The following SORCS2 variants were observed in gnomAD, a reference collection of about 807,000 sequenced individuals.
SORCS2 encodes the protein sortilin related VPS10 domain containing receptor 2.
In SORCS2, 100 loss-of-function variants were observed where a neutral mutation model predicts 141.6. The ratio of observed to expected loss-of-function variants is 0.71; its 90% CI spans 0.60 to 0.83. The LOEUF is 0.83. Ranked by LOEUF, SORCS2 falls within the 40% of genes least tolerant of loss-of-function variation. SORCS2 has a pLI of 0.00. For missense variants in SORCS2, 1,646 were observed against 1,560.2 expected, an observed-to-expected ratio of 1.05 and a Z score of -0.93; for synonymous variants, 789 against 676.9, an observed-to-expected ratio of 1.17 and a Z score of -2.57.
chr4:7,616,000 A>C (rs1163275500), intron 3 of SORCS2, among the ~76,000 whole-genome samples: 1 of 152,238 alleles, frequency 6.6e-6, no homozygotes, highest in Non-Finnish European at 1.5e-5. Context: ...GGGCATACTT[A>C]TTACTAAAAA....
At chr4:7,571,317 C>T (rs185812079) in intron 3 of SORCS2, among the ~76,000 whole-genome samples, 40 of 152,280 alleles carry the variant, frequency 2.6e-4, no homozygotes, top group African/African-American at 7.7e-4. Context: ...CCCCTGTGCC[C>T]GGTGGAGAAG....
Position 7,286,845 on chromosome 4 carries a change from G to A in SORCS2, c.480+93719G>A, listed in dbSNP as rs1716259515. 6.6e-6 allele frequency among the ~76,000 whole-genome samples: 1 copy of A among 152,224 alleles called. No homozygotes were observed. Among genetic ancestry groups the A allele is most frequent in the South Asian group, 2.1e-4 (1 of 4,830 alleles). On this transcript the variant is annotated intron_variant, in intron 1 of 26. Transcript: ENST00000507866. This position sits in a 1 kb window ranked among gnomAD's most constrained non-coding sequence, Gnocchi z 4.1. ...GGGTGCTGCTTTTCAGGGTACAGGA[G>A]CTATGGAAGGTCCCAAGAGGAAAGT...
intron 1 of SORCS2, among the ~76,000 whole-genome samples, chr4:7,224,254 A>G (rs933807097): frequency 2.0e-5 from 3 of 152,226 alleles, no homozygotes; most frequent in Admixed American, 1.3e-4. Flanking sequence ...GTCTGACAAC[A>G]TTTAATTTTC....
rs1719988275 is a variant in SORCS2 at position 7,336,342 on chromosome 4, T to A, written c.481-59946T>A. ...GGCGGTGTCTCCCAGTGGAGAGCTC[T>A]GAGACTGCGACTGCTGTCCTCCTTC... On this transcript the variant is annotated intron_variant, in intron 1 of 26. Coordinates refer to ENST00000507866, the MANE Select transcript of SORCS2 (RefSeq NM_020777.3). Among the ~76,000 whole-genome samples, 2 of 152,178 alleles carry A rather than the reference T, an allele frequency of 1.3e-5. 1 individual carries two copies. Among genetic ancestry groups the A allele is most frequent in the Non-Finnish European group, 2.9e-5 (2 of 68,034 alleles).
At chr4:7,577,174 G>A (rs1049840694) in intron 3 of SORCS2, among the ~76,000 whole-genome samples, 3 of 152,194 alleles carry the variant, frequency 2.0e-5, no homozygotes, top group Admixed American at 6.5e-5. Context: ...ACATAAGGGA[G>A]TGTGAGGTTT....
At chr4:7,488,085 T>G (rs1034678601) in intron 2 of SORCS2, among the ~76,000 whole-genome samples, 13 of 152,302 alleles carry the variant, frequency 8.5e-5, no homozygotes, top group Admixed American at 7.2e-4. Flanking sequence ...ACCTGAGCCC[T>G]GTGCTAGGAG....
At chr4:7,290,827 G>A (rs1318851381) in intron 1 of SORCS2, among the ~76,000 whole-genome samples, 1 of 122,742 alleles carries the variant, frequency 8.1e-6, no homozygotes, top group Non-Finnish European at 1.9e-5. Context: ...TTCAGTGAAT[G>A]TAGGTTAAGG....
chr4:7,396,765 T>C (rs1335294983), intron 2 of SORCS2, among the ~76,000 whole-genome samples: 1 of 152,212 alleles, frequency 6.6e-6, no homozygotes, highest in Non-Finnish European at 1.5e-5. Flanking sequence ...TGGGCGTTTT[T>C]CTTTCTTCCA....
intron 4 of SORCS2, among the ~76,000 whole-genome samples, chr4:7,643,744 T>A (rs1720881912): frequency 6.6e-6 from 1 of 152,154 alleles, no homozygotes; most frequent in Non-Finnish European, 1.5e-5. Context: ...AAAGAAATAG[T>A]AGAAATTGCT....
intron 3 of SORCS2, among the ~76,000 whole-genome samples, chr4:7,561,235 A>G (rs549243078): frequency 1.7e-4 from 26 of 152,244 alleles, no homozygotes; most frequent in African/African-American, 5.5e-4. Flanking sequence ...GGCTACTGAG[A>G]CATGGGAACA....
chr4:7,381,359 AG>A (rs889634151), intron 1 of SORCS2, among the ~76,000 whole-genome samples: 1 of 152,188 alleles, frequency 6.6e-6, no homozygotes, highest in African/African-American at 2.4e-5. Context: ...ACAGAGCTGG[AG>A]GGTGCTTCCC....
chr4:7,519,189 C>T (rs545083297), intron 2 of SORCS2, among the ~76,000 whole-genome samples: 8 of 152,302 alleles, frequency 5.3e-5, no homozygotes, highest in East Asian at 1.9e-4. Flanking sequence ...CTGCCTGTGC[C>T]GGGAGCATGA....
intron 2 of SORCS2, among the ~76,000 whole-genome samples, chr4:7,517,025 A>G (rs1733029159): frequency 6.6e-6 from 1 of 152,206 alleles, no homozygotes; most frequent in Admixed American, 6.5e-5. Flanking sequence ...TCAACGAGCT[A>G]ACGCGTCCAG....
At chr4:7,578,906 C>G (rs1715951012) in intron 3 of SORCS2, among the ~76,000 whole-genome samples, 2 of 152,244 alleles carry the variant, frequency 1.3e-5, no homozygotes, top group Non-Finnish European at 2.9e-5. Flanking sequence ...CCTAAGTTTA[C>G]TACTTCTCAC....
rs1560447285 is a variant in SORCS2, at chr4:7,193,283, C to T, written c.480+157C>T. Reference sequence around the variant, plus strand: ...TTGGGTCACCTCGGCCGCGCCCCTACTGGCCTCTGGTCACTGGTTACTTGG... The same window carrying T: ...TTGGGTCACCTCGGCCGCGCCCCTATTGGCCTCTGGTCACTGGTTACTTGG... On this transcript the variant is annotated intron_variant, in intron 1 of 26. Coordinates refer to ENST00000507866, the MANE Select transcript of SORCS2 (RefSeq NM_020777.3). The surrounding 1 kb of genome is among the most constrained non-coding windows in gnomAD (Gnocchi z 4.8). 2.6e-5 allele frequency among the ~76,000 whole-genome samples: 4 copies of T among 152,220 alleles called. No individual in the cohort carries two copies.
chr4:7,506,283 A>G lies in SORCS2; in HGVS notation c.549-25247A>G, dbSNP rs112383452. ...GGCTTAATGAGGCCTAAATCTGTCA[A>G]CAGTGGAGGCTGCTGCTTGTGGTAA... is the stretch of plus-strand genomic sequence containing the variant. On this transcript the variant is annotated intron_variant, in intron 2 of 26. Coordinates refer to ENST00000507866, the MANE Select transcript of SORCS2 (RefSeq NM_020777.3). Among the ~76,000 whole-genome samples, 386 of 152,276 alleles carry G rather than the reference A, an allele frequency of 2.5e-3. 7 individuals carry two copies. Among genetic ancestry groups the G allele is most frequent in the Middle Eastern group, 0.014 (4 of 294 alleles).
At chr4:7,398,294 G>T (rs10008226) in intron 2 of SORCS2, among the ~76,000 whole-genome samples, 2,765 of 152,296 alleles carry the variant, frequency 0.018, 85 homozygotes, top group African/African-American at 0.064. Flanking sequence ...CTGCTCCAAG[G>T]GTGGGGTGGT....
intron 1 of SORCS2, among the ~76,000 whole-genome samples, chr4:7,292,495 T>A (rs921909464): frequency 6.6e-6 from 1 of 152,314 alleles, no homozygotes; most frequent in East Asian, 1.9e-4. Context: ...TCTGGGGACC[T>A]GGGCTTGGCC....
chr4:7,275,457 T>C (rs1433575619), intron 1 of SORCS2, among the ~76,000 whole-genome samples: 1 of 152,186 alleles, frequency 6.6e-6, no homozygotes, highest in Admixed American at 6.5e-5. Flanking sequence ...ATCACCCGTG[T>C]CTGCTCTGCG....
Sources: gnomAD v4.1 joint callset for allele counts (sites outside exome capture counted in the v4.1 genomes callset) on GRCh38, gnomAD v4.1.1 for gene constraint, Gnocchi (gnomAD v3.1) non-coding constraint, MANE v1.5 for transcripts, NCBI Gene and HGNC (gene_info 2026-07-23, HGNC 2026-07-21) for gene names.